Variants in CADM1 observed in about 807,000 individuals in gnomAD.
CADM1 encodes the protein cell adhesion molecule 1.
A neutral mutation model predicts 53.1 loss-of-function variants in CADM1; 15 were observed. The observed-to-expected ratio is 0.28, with a 90% CI of 0.19 to 0.44. CADM1 has a LOEUF of 0.44. Ranked by LOEUF, CADM1 falls within the 20% of genes least tolerant of loss-of-function variation. The pLI is 1.00. For missense variants in CADM1, 434 were observed against 611.3 expected (o/e 0.71, Z 3.06); for synonymous variants, 281 against 243.0 (o/e 1.16, Z -1.45).
At chr11:115,467,472 T>C (rs1948921054) in intron 1 of CADM1, among the ~76,000 whole-genome samples, 1 of 152,184 alleles carries the variant, frequency 6.6e-6, no homozygotes, top group South Asian at 2.1e-4. Context: ...CACAACAGTT[T>C]CACAAAATAT....
chr11:115,214,753 G>A lies in CADM1; in HGVS notation c.849C>T (p.Val283=), dbSNP rs1941106224. 11 of 1,613,854 alleles carry A rather than the reference G, an allele frequency of 6.8e-6. No homozygotes were observed. Among genetic ancestry groups the A allele is most frequent in the African/African-American group, 6.7e-5 (5 of 74,978 alleles). ...PQPVMVTWVR[V]DDEMPQHAVL... ...CGGCGTGTTGAGGCATTTCATCATC[G>A]ACTCTCACCCAAGTTACCATCACAG... The change falls in exon 7 of 12, where the codon GTC becomes GTT. Residue 283 remains valine, a synonymous_variant. Coordinates refer to ENST00000331581, the MANE Select transcript of CADM1 (RefSeq NM_001301043.2).
intron 1 of CADM1, among the ~76,000 whole-genome samples, chr11:115,276,373 G>A (rs1943444605): frequency 6.6e-6 from 1 of 152,198 alleles, no homozygotes; most frequent in African/African-American, 2.4e-5. Flanking sequence ...GTGGGCATTT[G>A]TTAAAGAGAC....
intron 1 of CADM1, among the ~76,000 whole-genome samples, chr11:115,463,649 C>T (rs1347596677): frequency 1.3e-5 from 2 of 152,196 alleles, no homozygotes; most frequent in African/African-American, 4.8e-5. Flanking sequence ...GTTATGTTTT[C>T]ATAATGGAAA....
intron 1 of CADM1, among the ~76,000 whole-genome samples, chr11:115,283,434 A>C (rs1943640190): frequency 6.6e-6 from 1 of 152,170 alleles, no homozygotes; most frequent in Non-Finnish European, 1.5e-5. Flanking sequence ...AAATTATAGA[A>C]GGTATTGGAA....
chr11:115,266,608 T>C (rs1465004668), intron 1 of CADM1, among the ~76,000 whole-genome samples: 1 of 152,246 alleles, frequency 6.6e-6, no homozygotes, highest in Non-Finnish European at 1.5e-5. Flanking sequence ...TTTCTTCTAC[T>C]ACTTAATTTA....
intron 3 of CADM1, among the ~76,000 whole-genome samples, chr11:115,234,724 C>T (rs1361500481): frequency 2.0e-5 from 3 of 151,964 alleles, no homozygotes; most frequent in Admixed American, 6.6e-5. Context: ...GAAACCCTGT[C>T]TCTACCAAAA....
intron 1 of CADM1, among the ~76,000 whole-genome samples, chr11:115,289,881 C>A (rs1437418768): frequency 6.6e-6 from 1 of 152,096 alleles, no homozygotes; most frequent in Non-Finnish European, 1.5e-5. Context: ...AGGCGTGAAC[C>A]ACCGCGCCCG....
At chr11:115,293,411 C>G (rs879493836) in intron 1 of CADM1, among the ~76,000 whole-genome samples, 1 of 151,820 alleles carries the variant, frequency 6.6e-6, no homozygotes, top group Non-Finnish European at 1.5e-5. Flanking sequence ...CCAGCCTGGG[C>G]GACAGAGCGA....
intron 1 of CADM1, among the ~76,000 whole-genome samples, chr11:115,275,796 C>T (rs550309487): frequency 6.6e-6 from 1 of 152,270 alleles, no homozygotes; most frequent in Non-Finnish European, 1.5e-5. Context: ...GATAATGGTG[C>T]GCTTGCTACT....
chr11:115,283,479 G>A (rs1700052704), intron 1 of CADM1, among the ~76,000 whole-genome samples: 1 of 152,222 alleles, frequency 6.6e-6, no homozygotes, highest in East Asian at 1.9e-4. Flanking sequence ...CCTGTGTAAA[G>A]CCACAGAGGT....
At chr11:115,371,256 C>A (rs1946299298) in intron 1 of CADM1, among the ~76,000 whole-genome samples, 1 of 151,800 alleles carries the variant, frequency 6.6e-6, no homozygotes, top group Admixed American at 6.6e-5. Context: ...ATAGCATATG[C>A]ATAAAAGTAA....
chr11:115,365,785 C>CA (rs1251173488), intron 1 of CADM1, among the ~76,000 whole-genome samples: 1 of 151,946 alleles, frequency 6.6e-6, no homozygotes, highest in Non-Finnish European at 1.5e-5. Flanking sequence ...TAAACATTTT[C>CA]AAAAAATCAA....
intron 1 of CADM1, among the ~76,000 whole-genome samples, chr11:115,371,177 G>T (rs1473963738): frequency 6.6e-6 from 1 of 151,966 alleles, no homozygotes; most frequent in Non-Finnish European, 1.5e-5. Context: ...TTATTTAAAA[G>T]ATATTTTAAA....
intron 8 of CADM1, among the ~76,000 whole-genome samples, chr11:115,208,591 C>T (rs932596987): frequency 7.9e-5 from 12 of 152,304 alleles, no homozygotes; most frequent in African/African-American, 2.9e-4. Flanking sequence ...CTTGCAGTCT[C>T]ACCAGCTAAC....
At chr11:115,213,878 T>C (rs975703609) in intron 7 of CADM1, among the ~76,000 whole-genome samples, 3 of 152,146 alleles carry the variant, frequency 2.0e-5, no homozygotes, top group African/African-American at 7.2e-5. Context: ...ATTATAAAAC[T>C]AGAGAGGAGG....
At chr11:115,395,225 TC>T (rs1328055799) in intron 1 of CADM1, among the ~76,000 whole-genome samples, 6 of 152,164 alleles carry the variant, frequency 3.9e-5, no homozygotes, top group African/African-American at 1.4e-4. Context: ...CTTGATGCTC[TC>T]CAAGTTTGGG....
chr11:115,180,171 T>C (rs899255555), intron 10 of CADM1, among the ~76,000 whole-genome samples: 1 of 152,206 alleles, frequency 6.6e-6, no homozygotes, highest in Non-Finnish European at 1.5e-5. Flanking sequence ...ACACTTTCTA[T>C]CGATATTTCC....
At chr11:115,273,262 C>T (rs1202986023) in intron 1 of CADM1, among the ~76,000 whole-genome samples, 1 of 152,142 alleles carries the variant, frequency 6.6e-6, no homozygotes, top group Non-Finnish European at 1.5e-5. Flanking sequence ...AACCAAGAGG[C>T]CTAAGACATC....
At chr11:115,336,839 AAAATT>A (rs1945279902) in intron 1 of CADM1, among the ~76,000 whole-genome samples, 1 of 152,194 alleles carries the variant, frequency 6.6e-6, no homozygotes, top group Non-Finnish European at 1.5e-5. Context: ...AAGATGAAAA[AAAATT>A]AAATTGAACT....
Sources: gnomAD v4.1 joint callset for allele counts (sites outside exome capture counted in the v4.1 genomes callset) on GRCh38, gnomAD v4.1.1 for gene constraint, MANE v1.5 for transcripts, NCBI Gene and HGNC (gene_info 2026-07-23, HGNC 2026-07-21) for gene names.